The following SAP30L variants were observed in gnomAD, a reference collection of about 807,000 sequenced individuals.
The protein encoded by SAP30L is histone deacetylase complex subunit SAP30L.
A neutral mutation model predicts 22.3 loss-of-function variants in SAP30L; 10 were observed. The ratio of observed to expected loss-of-function variants is 0.45; its 90% CI spans 0.28 to 0.76. The LOEUF (loss-of-function observed/expected upper bound fraction) is 0.76. Among genes scored for constraint, SAP30L ranks in the 30% least tolerant of loss-of-function variants. SAP30L has a pLI of 0.14. For synonymous variants in SAP30L, 91 were observed against 94.1 expected (o/e 0.97, Z 0.19); for missense variants, 206 against 237.9 (o/e 0.87, Z 0.88).
At chr5:154,452,596 C>T (rs1757167890) in intron 2 of SAP30L, 2 of 474,450 alleles carry the variant, frequency 4.2e-6, no homozygotes, top group Non-Finnish European at 2.8e-6. Context: ...GTCCCTTCCC[C>T]TCTGTTATCC....
chr5:154,447,677 A>C (rs1274924367), intron 1 of SAP30L, among the ~76,000 whole-genome samples: 1 of 152,226 alleles, frequency 6.6e-6, no homozygotes, highest in East Asian at 1.9e-4. Flanking sequence ...CTAAGAGCTT[A>C]GGTGGTTAAC....
intron 3 of SAP30L, among the ~76,000 whole-genome samples, chr5:154,455,012 C>G (rs1000970321): frequency 6.6e-6 from 1 of 151,998 alleles, no homozygotes; most frequent in Non-Finnish European, 1.5e-5. Flanking sequence ...CTCCACCTCC[C>G]GGGTTCAAGT....
At chr5:154,448,536 C>T (rs1275370671) in intron 1 of SAP30L, among the ~76,000 whole-genome samples, 1 of 152,242 alleles carries the variant, frequency 6.6e-6, no homozygotes, top group Non-Finnish European at 1.5e-5. Context: ...CACTTAGAAA[C>T]ACTGCCTACC....
Position 154,446,890 on chromosome 5 carries a change from C to A in SAP30L, c.201+85C>A, listed in dbSNP as rs992529746. ...TGGGCTCCAGTCGGGACTCCCCGGGCACTCCCCGCCGTGGGCCTCGCCGCC... is the reference window on the plus strand; with the variant it reads ...TGGGCTCCAGTCGGGACTCCCCGGGAACTCCCCGCCGTGGGCCTCGCCGCC... On this transcript the variant is annotated intron_variant, in intron 1 of 3. Transcript: ENST00000297109. The A allele has an allele frequency of 2.7e-5, 33 of 1,209,886 alleles. No individual in the cohort carries two copies. The African/African-American group carries it at 4.7e-4, about 17-fold the overall frequency. The allele number at this position is 1,209,886 out of a possible 1,614,324, so 74.9% of individuals were successfully genotyped here.
Position 154,451,182 on chromosome 5 carries a change from A to T in SAP30L, c.293A>T (p.Asp98Val). Residue 98 changes from aspartate (D) to valine (V), a missense_variant, in exon 2 of 4, where the codon GAT becomes GTT. By Grantham distance (152) the Asp-to-Val change is radical. This residue lies in a region of SAP30L where 136 missense variants were observed against 187.4 expected (regional missense o/e 0.73). Coordinates refer to ENST00000297109, the MANE Select transcript of SAP30L (RefSeq NM_024632.6). Reference sequence around the variant, plus strand: ...AGGAAGACAAGTGACGATGGCGGAGATTCTCCCGAGCACGACACTGACATT... The same window carrying T: ...AGGAAGACAAGTGACGATGGCGGAGTTTCTCCCGAGCACGACACTGACATT... ...RKRKTSDDGGDSPEHDTDIPE... is the reference protein window; with the variant it reads ...RKRKTSDDGGVSPEHDTDIPE... The T allele has an allele frequency of 6.2e-7, 1 of 1,614,146 alleles. No individual in the cohort carries two copies. The highest frequency in any genetic ancestry group is 8.5e-7 in the Non-Finnish European group (1 of 1,180,020).
rs1757286624 is a variant in SAP30L, at chr5:154,457,388, A to G, written c.*1360A>G. On this transcript the variant is annotated 3_prime_UTR_variant, in exon 4 of 4. Transcript: ENST00000297109. ...TTATGACCATCTTGACATATGGTCA[A>G]AGGTGTCATTTTCCTACTCAGTTTC... is the stretch of plus-strand genomic sequence containing the variant. 1 of 152,226 alleles carries G rather than the reference A, an allele frequency of 6.6e-6. No individual in the cohort carries two copies. The allele number at this position is 152,226 out of a possible 1,614,324, so 9.4% of individuals were successfully genotyped here. A position where few individuals can be genotyped will look rare whatever the true frequency, so the allele number is the denominator to read the frequency against.
rs1757260549 is a variant in SAP30L at position 154,456,184 on chromosome 5, C to T, written c.*156C>T. 1.6e-6 allele frequency: 1 copy of T among 627,634 alleles called. No individual in the cohort carries two copies. Among genetic ancestry groups the T allele is most frequent in the South Asian group, 3.4e-5 (1 of 29,434 alleles). 38.9% of individuals were successfully genotyped at this position (627,634 alleles called of 1,614,324 possible). ...TTTTTGGTCAGGAGGATTATATTCT[C>T]ATGATTCAGCATGTGTATAGAAAGA... On this transcript the variant is annotated 3_prime_UTR_variant, in exon 4 of 4. Transcript: ENST00000297109.
chr5:154,453,321 G>A, intron 2 of SAP30L, 81 bp from the exon 3 acceptor site: 1 of 924,010 alleles, frequency 1.1e-6, no homozygotes, highest in Non-Finnish European at 1.8e-6. Context: ...CTACCTTAGT[G>A]TAGTGCTAGG....
rs754352303 is a variant in SAP30L, at chr5:154,456,269, A to G, written c.*241A>G. 16 of 317,224 alleles carry G rather than the reference A, an allele frequency of 5.0e-5. No homozygotes were observed. Among genetic ancestry groups the G allele is most frequent in the Non-Finnish European group, 7.5e-5 (13 of 173,020 alleles). 19.7% of individuals were successfully genotyped at this position (317,224 alleles called of 1,614,324 possible). ...AGGATCATTAAAAGAATTAAAAACT[A>G]TGTATTTCAGCATTCAACAAAGCAT... On this transcript the variant is annotated 3_prime_UTR_variant, in exon 4 of 4. Coordinates refer to ENST00000297109, the MANE Select transcript of SAP30L (RefSeq NM_024632.6).
At position 154,457,956 on chromosome 5, in the gene SAP30L, C is replaced by A. The variant is rs1257964270; in HGVS notation, c.*1928C>A. 1 of 152,198 alleles carries A rather than the reference C, an allele frequency of 6.6e-6. No homozygotes were observed. The highest frequency in any genetic ancestry group is 2.4e-5 in the African/African-American group (1 of 41,460). The allele number at this position is 152,198 out of a possible 1,614,324, so 9.4% of individuals were successfully genotyped here. On this transcript the variant is annotated 3_prime_UTR_variant, in exon 4 of 4. Transcript: ENST00000297109. ...TTGTTAACTTGCTCCATGGAAATGTCCATATCTTAATGAGTAAAAAAGTGT... is the reference window on the plus strand; with the variant it reads ...TTGTTAACTTGCTCCATGGAAATGTACATATCTTAATGAGTAAAAAAGTGT...
chr5:154,452,561 C>T, intron 2 of SAP30L: 1 of 833,498 alleles, frequency 1.2e-6, no homozygotes, highest in Non-Finnish European at 1.4e-6. Context: ...TTCCTCTCTT[C>T]CTTTGTTAGA....
rs1393562495 is a variant in SAP30L at position 154,456,650 on chromosome 5, G to A, written c.*622G>A. On this transcript the variant is annotated 3_prime_UTR_variant, in exon 4 of 4. Transcript: ENST00000297109. ...CACACCTCTCATGACTGAGACCTCT[G>A]CCATTTCTGTTGCTCACCACTTAAC... 3 of 152,212 alleles carry A rather than the reference G, an allele frequency of 2.0e-5. No homozygotes were observed. The highest frequency in any genetic ancestry group is 4.8e-5 in the African/African-American group (2 of 41,432). 9.4% of individuals were successfully genotyped at this position (152,212 alleles called of 1,614,324 possible). A position where few individuals can be genotyped will look rare whatever the true frequency, so the allele number is the denominator to read the frequency against.
chr5:154,453,203 C>T, intron 2 of SAP30L, 199 bp from the exon 3 acceptor site: 1 of 502,864 alleles, frequency 2.0e-6, no homozygotes, highest in East Asian at 3.2e-5. Context: ...GATCAGCCCA[C>T]CCCAGCCAGA....
Position 154,457,280 on chromosome 5 carries a change from A to C in SAP30L, c.*1252A>C, listed in dbSNP as rs1171389285. 6.6e-6 allele frequency: 1 copy of C among 152,222 alleles called. No homozygotes were observed. The highest frequency in any genetic ancestry group is 1.5e-5 in the Non-Finnish European group (1 of 68,040). The allele number at this position is 152,222 out of a possible 1,614,324, so 9.4% of individuals were successfully genotyped here. A position where few individuals can be genotyped will look rare whatever the true frequency, so the allele number is the denominator to read the frequency against. On this transcript the variant is annotated 3_prime_UTR_variant, in exon 4 of 4. Coordinates refer to ENST00000297109, the MANE Select transcript of SAP30L (RefSeq NM_024632.6). ...TATATCCAAAAATGTGCTTTTGCAA[A>C]ATTCTTTAATCTGTGTAATGGAGGG...
At position 154,460,957 on chromosome 5, in the gene SAP30L, G is replaced by A. The variant is rs901881505; in HGVS notation, c.*4929G>A. ...TGTTGAAAGGCTCTCAATTCTGTGG[G>A]GTCTCCTTAGTATGTATGTGACTTT... On this transcript the variant is annotated 3_prime_UTR_variant, in exon 4 of 4. Coordinates refer to ENST00000297109, the MANE Select transcript of SAP30L (RefSeq NM_024632.6). 6.6e-6 allele frequency: 1 copy of A among 152,100 alleles called. No homozygotes were observed. Among genetic ancestry groups the A allele is most frequent in the Non-Finnish European group, 1.5e-5 (1 of 68,020 alleles). 9.4% of individuals were successfully genotyped at this position (152,100 alleles called of 1,614,324 possible).
chr5:154,453,531 G>A, intron 3 of SAP30L, 31 bp downstream of exon 3: 2 of 1,406,550 alleles, frequency 1.4e-6, no homozygotes, highest in South Asian at 1.2e-5. Flanking sequence ...TCTAAAGAGA[G>A]CCAGCATTGT....
intron 2 of SAP30L, among the ~76,000 whole-genome samples, chr5:154,451,519 C>T (rs1029557572): frequency 1.1e-4 from 17 of 150,324 alleles, no homozygotes; most frequent in Admixed American, 9.4e-4. Context: ...ACGCCCCTGA[C>T]GAATGCGTAA....
At position 154,456,169 on chromosome 5, in the gene SAP30L, G is replaced by A; in HGVS notation, c.*141G>A. 1 of 817,478 alleles carries A rather than the reference G, an allele frequency of 1.2e-6. No homozygotes were observed. Among genetic ancestry groups the A allele is most frequent in the Non-Finnish European group, 1.8e-6 (1 of 558,938 alleles). 50.6% of individuals were successfully genotyped at this position (817,478 alleles called of 1,614,324 possible). A position where few individuals can be genotyped will look rare whatever the true frequency, so the allele number is the denominator to read the frequency against. On this transcript the variant is annotated 3_prime_UTR_variant, in exon 4 of 4. Coordinates refer to ENST00000297109, the MANE Select transcript of SAP30L (RefSeq NM_024632.6). ...TGAATACTGTAAATCTTTTTGGTCA[G>A]GAGGATTATATTCTCATGATTCAGC...
At position 154,446,701 on chromosome 5, in the gene SAP30L, G is replaced by C. The variant is rs775339234; in HGVS notation, c.97G>C (p.Glu33Gln). The change falls in exon 1 of 4, where the codon GAG (glutamate) becomes CAG (glutamine). Residue 33 changes from glutamate to glutamine, a missense_variant. Glu to Gln is a conservative substitution (Grantham distance 29). Coordinates refer to ENST00000297109, the MANE Select transcript of SAP30L (RefSeq NM_024632.6). The part of the protein sequence containing the change: ...PGYGQSCCLI[E>Q]DGERCVRPAG... ...CTACGGCCAGAGCTGCTGCCTCATC[G>C]AGGACGGCGAGCGCTGCGTCCGGCC... The C allele has an allele frequency of 3.1e-6, 5 of 1,595,872 alleles. No individual in the cohort carries two copies. The African/African-American group carries it at 4.0e-5, about 13-fold the overall frequency.
Sources: allele counts gnomAD v4.1 joint callset (sites outside exome capture counted in the v4.1 genomes callset), GRCh38; gene constraint gnomAD v4.1.1; regional missense constraint gnomAD v4.1.1; transcripts MANE v1.5; gene names NCBI Gene and HGNC (gene_info 2026-07-23, HGNC 2026-07-21).